The following ZPBP variants were observed in gnomAD, a reference collection of about 807,000 sequenced individuals.
ZPBP encodes the protein zona pellucida-binding protein 1.
Under a neutral mutation model 44.8 loss-of-function variants are expected in ZPBP, and 26 were observed. The ratio of observed to expected loss-of-function variants is 0.58; its 90% CI spans 0.43 to 0.81. ZPBP has a LOEUF of 0.81. Ranked by LOEUF, ZPBP falls within the 30% of genes least tolerant of loss-of-function variation. The pLI, the probability that ZPBP is intolerant of heterozygous loss-of-function variation, is 0.00. For synonymous variants in ZPBP, 174 were observed against 153.2 expected, an observed-to-expected ratio of 1.14 and a Z score of -1.00; for missense variants, 409 against 434.0, an observed-to-expected ratio of 0.94 and a Z score of 0.51.
At chr7:50,088,026 A>ATAT in intron 2 of ZPBP, among the ~76,000 whole-genome samples, 1 of 152,064 alleles carries the variant, frequency 6.6e-6, no homozygotes, top group Non-Finnish European at 1.5e-5. Flanking sequence ...TGATTTCAAA[A>ATAT]CTTATTATAA....
chr7:49,877,639 TC>T (rs1379199408), intron 2 of ZPBP, among the ~76,000 whole-genome samples: 1 of 149,256 alleles, frequency 6.7e-6, no homozygotes, highest in Non-Finnish European at 1.5e-5. Flanking sequence ...CTGTGATTTA[TC>T]TGATGATGAT....
chr7:50,071,151 C>T (rs541877423), intron 3 of ZPBP, among the ~76,000 whole-genome samples: 33 of 152,182 alleles, frequency 2.2e-4, no homozygotes, highest in Admixed American at 1.2e-3. Flanking sequence ...CCACCACCAA[C>T]CCCATGCCCC....
At chr7:49,903,605 C>A (rs1792898997) in intron 1 of ZPBP, among the ~76,000 whole-genome samples, 1 of 152,126 alleles carries the variant, frequency 6.6e-6, no homozygotes, top group Non-Finnish European at 1.5e-5. Context: ...AGAGAAGGTG[C>A]AGTGTGACTA....
chr7:49,864,402 G>GT (rs1025623299), intron 2 of ZPBP, among the ~76,000 whole-genome samples: 13 of 152,122 alleles, frequency 8.5e-5, no homozygotes, highest in African/African-American at 3.1e-4. Context: ...GGTCTTCTCA[G>GT]TTTTTTTCTG....
chr7:49,960,644 G>A (rs1220672349), intron 7 of ZPBP, among the ~76,000 whole-genome samples: 3 of 152,084 alleles, frequency 2.0e-5, no homozygotes, highest in Admixed American at 2.0e-4. Flanking sequence ...ACTCTTACAA[G>A]TCAATAATTA....
chr7:49,901,513 T>C (rs1792722517), intron 1 of ZPBP, among the ~76,000 whole-genome samples: 1 of 151,762 alleles, frequency 6.6e-6, no homozygotes, highest in Non-Finnish European at 1.5e-5. Flanking sequence ...ATACATAAGA[T>C]CTATATGAGG....
At chr7:50,083,003 C>T (rs754298308) in intron 2 of ZPBP, among the ~76,000 whole-genome samples, 11 of 151,842 alleles carry the variant, frequency 7.2e-5, no homozygotes, top group Non-Finnish European at 1.2e-4. Flanking sequence ...GCCCTAACCA[C>T]GCCACAGCAG....
At chr7:49,858,125 T>C (rs898733966) in intron 2 of ZPBP, among the ~76,000 whole-genome samples, 2 of 152,206 alleles carry the variant, frequency 1.3e-5, no homozygotes, top group Middle Eastern at 3.2e-3. Context: ...AGTGTAAAAG[T>C]GTTCCTATTT....
At chr7:50,008,598 C>T (rs947730928) in intron 6 of ZPBP, among the ~76,000 whole-genome samples, 5 of 151,990 alleles carry the variant, frequency 3.3e-5, no homozygotes, top group African/African-American at 1.2e-4. Context: ...CTGAAAGGCT[C>T]ACACCCTGAT....
chr7:49,873,061 A>C (rs1791243442), intron 2 of ZPBP, among the ~76,000 whole-genome samples: 1 of 152,146 alleles, frequency 6.6e-6, no homozygotes, highest in Admixed American at 6.6e-5. Flanking sequence ...TGAAGAAAAA[A>C]TGTTCAACCT....
At chr7:49,981,615 T>TATG (rs1562820211) in intron 7 of ZPBP, among the ~76,000 whole-genome samples, 3 of 26,626 alleles carry the variant, frequency 1.1e-4, no homozygotes, top group African/African-American at 2.2e-4. Context: ...TATATAATTA[T>TATG]ATTATATTAT....
At chr7:50,057,186 CA>C (rs200305836) in intron 4 of ZPBP, among the ~76,000 whole-genome samples, 27,980 of 93,834 alleles carry the variant, frequency 0.3, 3,193 homozygotes, top group East Asian at 0.67. Context: ...GACTCCATCT[CA>C]AAAAAAAAAA....
intron 2 of ZPBP, among the ~76,000 whole-genome samples, chr7:49,862,533 T>C (rs1790695534): frequency 6.6e-6 from 1 of 152,196 alleles, no homozygotes; most frequent in Non-Finnish European, 1.5e-5. Flanking sequence ...GAAATCCTTG[T>C]CTTGTTCCTA....
At chr7:49,995,717 T>G (rs557583968) in intron 6 of ZPBP, among the ~76,000 whole-genome samples, 1 of 152,328 alleles carries the variant, frequency 6.6e-6, no homozygotes, top group African/African-American at 2.4e-5. Context: ...CCTGTGATTT[T>G]CAACAACATC....
Position 49,993,070 on chromosome 7 carries a change from T to G in ZPBP, c.784-9551A>C, listed in dbSNP as rs1051991361. On this transcript the variant is annotated intron_variant, in intron 6 of 7. Transcript: ENST00000046087. ...AAAATAAACTAATTTTCAGGACTGC[T>G]GCCTGGTACATATGTTAAAACTTGA... Among the ~76,000 whole-genome samples the G allele has an allele frequency of 4.6e-5, 7 of 152,140 alleles. No individual in the cohort carries two copies. In the East Asian group the frequency reaches 1.3e-3, roughly 29 times the overall value.
chr7:49,878,671 C>A (rs750612415), intron 2 of ZPBP, among the ~76,000 whole-genome samples: 1 of 152,060 alleles, frequency 6.6e-6, no homozygotes, highest in African/African-American at 2.4e-5. Context: ...TTTCTCTTAT[C>A]TGTGGTTCAA....
chr7:50,078,215 C>T (rs1264051295), intron 3 of ZPBP, among the ~76,000 whole-genome samples: 1 of 151,346 alleles, frequency 6.6e-6, no homozygotes, highest in Non-Finnish European at 1.5e-5. Context: ...TGGACATAGA[C>T]AGTAGAAGGA....
At chr7:49,858,375 A>G (rs1790509880) in intron 2 of ZPBP, among the ~76,000 whole-genome samples, 1 of 152,148 alleles carries the variant, frequency 6.6e-6, no homozygotes, top group Non-Finnish European at 1.5e-5. Flanking sequence ...CTATGCAGCC[A>G]TAAAAAAGGA....
chr7:49,928,181 G>C (rs1160024164), intron 1 of ZPBP, among the ~76,000 whole-genome samples: 4 of 152,170 alleles, frequency 2.6e-5, no homozygotes, highest in Non-Finnish European at 5.9e-5. Context: ...GGAAGGAAGA[G>C]GCTGACCAAT....
Sources: allele counts gnomAD v4.1 joint callset (sites outside exome capture counted in the v4.1 genomes callset), GRCh38; gene constraint gnomAD v4.1.1; transcripts MANE v1.5; gene names NCBI Gene and HGNC (gene_info 2026-07-23, HGNC 2026-07-21).